Variants in SLC13A2 observed in about 807,000 individuals in gnomAD.
The protein encoded by SLC13A2 is Na(+)-coupled citrate transporter.
In SLC13A2, 40 loss-of-function variants were observed where a neutral mutation model predicts 58.5. The ratio of observed to expected loss-of-function variants is 0.68; its 90% confidence interval spans 0.53 to 0.89. The LOEUF (loss-of-function observed/expected upper bound fraction) is 0.89. Ranked by LOEUF, SLC13A2 falls within the 40% of genes least tolerant of loss-of-function variation. The pLI is 0.00. For synonymous variants in SLC13A2, 341 were observed against 331.6 expected (o/e 1.03, Z -0.31); for missense variants, 694 against 772.6 (o/e 0.90, Z 1.21).
intron 1 of SLC13A2, among the ~76,000 whole-genome samples, chr17:28,477,604 G>A (rs2068711591): frequency 6.6e-6 from 1 of 152,156 alleles, no homozygotes; most frequent in African/African-American, 2.4e-5. Flanking sequence ...TTAGCCCCAT[G>A]GCCCTGGCCT....
intron 1 of SLC13A2, among the ~76,000 whole-genome samples, chr17:28,477,116 C>T (rs574126106): frequency 5.0e-4 from 75 of 151,350 alleles, no homozygotes; most frequent in South Asian, 4.2e-4. Context: ...GCTGAGATCA[C>T]GCCATTGCAC....
intron 6 of SLC13A2, among the ~76,000 whole-genome samples, chr17:28,492,883 A>G (rs2069056230): frequency 6.6e-6 from 1 of 152,246 alleles, no homozygotes; most frequent in South Asian, 2.1e-4. Flanking sequence ...AAAGTTTTTA[A>G]GCATTGCTGC....
At chr17:28,480,574 C>T (rs781832093) in intron 1 of SLC13A2, among the ~76,000 whole-genome samples, 3 of 152,144 alleles carry the variant, frequency 2.0e-5, no homozygotes, top group Non-Finnish European at 4.4e-5. Flanking sequence ...GCAGCGTGTA[C>T]TGCCGTGTGA....
chr17:28,481,684 G>A (rs188444886), intron 1 of SLC13A2, among the ~76,000 whole-genome samples: 10 of 152,294 alleles, frequency 6.6e-5, no homozygotes, highest in Non-Finnish European at 8.8e-5. Flanking sequence ...TTGACTTCTC[G>A]GCTGGTTATT....
rs11568440 is a variant in SLC13A2, at chr17:28,493,798, T to C, written c.1097+9T>C. ...AATGCCAAGGGGGAGAGGTGAGAGT[T>C]GCAGGGGTTGGGAGGAGGACACATC... is the stretch of plus-strand genomic sequence containing the variant. On this transcript the variant is annotated intron_variant, in intron 7 of 11. Transcript: ENST00000314669. 455 of 1,613,828 alleles carry C rather than the reference T, an allele frequency of 2.8e-4. 2 individuals carry two copies. In the East Asian group the frequency reaches 9.5e-3, roughly 34 times the overall value.
chr17:28,484,904 G>A lies in SLC13A2; in HGVS notation c.103-4310G>A, dbSNP rs116626331. Among the ~76,000 whole-genome samples the A allele has an allele frequency of 7.8e-3, 1,185 of 152,296 alleles. 11 individuals carry two copies. Among genetic ancestry groups the A allele is most frequent in the African/African-American group, 0.027 (1,139 of 41,548 alleles). On this transcript the variant is annotated intron_variant, in intron 1 of 11. Transcript: ENST00000314669. Reference sequence around the variant, plus strand: ...TCCAGTCACAAGGATTGACTGCTGGGTGGAGAAGAGTGAGGATCTGAACAG... The same window carrying A: ...TCCAGTCACAAGGATTGACTGCTGGATGGAGAAGAGTGAGGATCTGAACAG...
At chr17:28,488,397 C>A (rs528872643) in intron 1 of SLC13A2, among the ~76,000 whole-genome samples, 24 of 152,256 alleles carry the variant, frequency 1.6e-4, no homozygotes, top group African/African-American at 5.8e-4. Context: ...TACGGGTGCC[C>A]TCTCCTGGCT....
At position 28,496,655 on chromosome 17, in the gene SLC13A2, A is replaced by C; in HGVS notation, c.1608+68A>C. The stretch of plus-strand genomic sequence containing the variant: ...CTCTGACTTTTCATCTTAGTGAACC[A>C]CAAAGCAGCTTAAAGCCACTGAGAG... On this transcript the variant is annotated intron_variant, in intron 11 of 11. Transcript: ENST00000314669. This position sits in a 1 kb window ranked among gnomAD's most constrained non-coding sequence, Gnocchi z 4.2. 6.4e-7 allele frequency: 1 copy of C among 1,550,762 alleles called. No homozygotes were observed. The highest frequency in any genetic ancestry group is 8.7e-7 in the Non-Finnish European group (1 of 1,143,226).
Position 28,493,804 on chromosome 17 carries a change from G to T in SLC13A2, c.1097+15G>T. 6.2e-7 allele frequency: 1 copy of T among 1,613,848 alleles called. No individual in the cohort carries two copies. Among genetic ancestry groups the T allele is most frequent in the Middle Eastern group, 1.7e-4 (1 of 6,032 alleles). ...AAGGGGGAGAGGTGAGAGTTGCAGG[G>T]GTTGGGAGGAGGACACATCTGGGGC... On this transcript the variant is annotated intron_variant, in intron 7 of 11. Coordinates refer to ENST00000314669, the MANE Select transcript of SLC13A2 (RefSeq NM_003984.4).
Position 28,490,900 on chromosome 17 carries a change from A to G in SLC13A2, c.568A>G (p.Lys190Glu), listed in dbSNP as rs142009311. ...QEPSPQKEVTKLDNGQALPVT... is the reference protein window; with the variant it reads ...QEPSPQKEVTELDNGQALPVT... ...ACCAAGTCCCCAGAAGGAGGTGACC[A>G]AGCTTGGTGAGAAAAATGAGGCTAG... The change falls in exon 4 of 12, where the codon AAG (lysine) becomes GAG (glutamate). Residue 190 changes from lysine (K) to glutamate (E), a missense_variant. By Grantham distance (56) the Lys-to-Glu change is moderately conservative (BLOSUM62 1). Coordinates refer to ENST00000314669, the MANE Select transcript of SLC13A2 (RefSeq NM_003984.4). 4 of 1,612,850 alleles carry G rather than the reference A, an allele frequency of 2.5e-6. No individual in the cohort carries two copies. The African/African-American group carries it at 5.3e-5, about 22-fold the overall frequency.
chr17:28,483,516 A>AG (rs1287985986), intron 1 of SLC13A2, among the ~76,000 whole-genome samples: 1 of 152,180 alleles, frequency 6.6e-6, no homozygotes, highest in Non-Finnish European at 1.5e-5. Context: ...ACATGCCTAT[A>AG]GTCCCAGATA....
In SLC13A2 at chr17:28,473,698, T is replaced by G. The variant is rs782104182; in HGVS notation, c.-15T>G. On this transcript the variant is annotated 5_prime_UTR_variant, in exon 1 of 12. Transcript: ENST00000314669. ...CTGGAGGCAGTGGCTGTAGCAGCCC[T>G]TGCTGCTCCACACCATGGCCACCTG... is the stretch of plus-strand genomic sequence containing the variant. The G allele has an allele frequency of 1.2e-6, 2 of 1,600,408 alleles. No individual in the cohort carries two copies. Among genetic ancestry groups the G allele is most frequent in the Non-Finnish European group, 1.7e-6 (2 of 1,168,176 alleles).
chr17:28,487,272 A>T (rs1481049143), intron 1 of SLC13A2: 2 of 152,240 alleles, frequency 1.3e-5, no homozygotes, highest in Admixed American at 1.3e-4. Context: ...GGCTGAGGAC[A>T]CCCTCAAATG....
intron 1 of SLC13A2, among the ~76,000 whole-genome samples, chr17:28,488,002 T>C (rs1379946075): frequency 6.6e-6 from 1 of 152,230 alleles, no homozygotes; most frequent in Non-Finnish European, 1.5e-5. Flanking sequence ...TCTGCCACTT[T>C]TTTTTAATAG....
intron 7 of SLC13A2, 38 bp from the exon 8 acceptor site, chr17:28,493,979 G>A (rs11568443): frequency 0.014 from 23,086 of 1,592,786 alleles, 218 homozygotes; most frequent in Non-Finnish European, 0.016. Context: ...AACCCCAAGC[G>A]GCTAACCCAG....
chr17:28,479,168 G>C (rs1413813792), intron 1 of SLC13A2, among the ~76,000 whole-genome samples: 6 of 151,990 alleles, frequency 3.9e-5, no homozygotes, highest in Non-Finnish European at 8.8e-5. Context: ...GAGCCATATG[G>C]TGCCACTGCA....
chr17:28,489,811 A>G (rs1324222475), intron 2 of SLC13A2, among the ~76,000 whole-genome samples: 1 of 152,240 alleles, frequency 6.6e-6, no homozygotes. Context: ...CAGGGATCAT[A>G]CTTTGAGAAC....
intron 1 of SLC13A2, among the ~76,000 whole-genome samples, chr17:28,486,072 T>G (rs1353293877): frequency 6.6e-6 from 1 of 152,202 alleles, no homozygotes; most frequent in African/African-American, 2.4e-5. Flanking sequence ...AATAAACCAA[T>G]TATTTTGAAA....
chr17:28,489,675 G>A (rs1353619124), intron 2 of SLC13A2, among the ~76,000 whole-genome samples: 4 of 152,156 alleles, frequency 2.6e-5, no homozygotes, highest in African/African-American at 7.2e-5. Flanking sequence ...GAACAGCATC[G>A]GAGTCACCTG....
Sources: allele counts gnomAD v4.1 joint callset (sites outside exome capture counted in the v4.1 genomes callset), GRCh38; gene constraint gnomAD v4.1.1; non-coding constraint Gnocchi (gnomAD v3.1); transcripts MANE v1.5; gene names NCBI Gene and HGNC (gene_info 2026-07-23, HGNC 2026-07-21).